The following GABRA5 variants were observed in gnomAD, a reference collection of about 807,000 sequenced individuals.
GABRA5 encodes gamma-aminobutyric acid receptor subunit alpha-5.
A neutral mutation model predicts 47.3 loss-of-function variants in GABRA5; 18 were observed. The observed-to-expected ratio is 0.38, with a 90% CI of 0.26 to 0.56. The LOEUF (loss-of-function observed/expected upper bound fraction) is 0.56. GABRA5 is among the 20% of genes least tolerant of loss of function. The probability of loss-of-function intolerance (pLI) is 0.71; values close to 1 mark genes in which losing one functional copy is unlikely to be tolerated. For synonymous variants in GABRA5, 237 were observed against 229.3 expected (o/e 1.03, Z -0.30); for missense variants, 365 against 599.3 (o/e 0.61, Z 4.08).
intron 6 of GABRA5, among the ~76,000 whole-genome samples, chr15:26,897,742 A>T (rs1314309358): frequency 6.6e-6 from 1 of 152,178 alleles, no homozygotes; most frequent in East Asian, 1.9e-4. Flanking sequence ...TCCCTGTTAC[A>T]TGTCAATTCC....
At chr15:26,944,591 T>A (rs1313362882) in intron 10 of GABRA5, among the ~76,000 whole-genome samples, 1 of 152,094 alleles carries the variant, frequency 6.6e-6, no homozygotes, top group Non-Finnish European at 1.5e-5. Flanking sequence ...TGATAGGGAC[T>A]CGGGGGCTGG....
At chr15:26,893,220 GAGCGTA>G (rs1249466774) in intron 6 of GABRA5, among the ~76,000 whole-genome samples, 1 of 147,990 alleles carries the variant, frequency 6.8e-6, no homozygotes, top group Non-Finnish European at 1.5e-5. Flanking sequence ...TGTATGGTGT[GAGCGTA>G]TGGTGTGTGG....
At chr15:26,893,411 G>GT in intron 6 of GABRA5, among the ~76,000 whole-genome samples, 1 of 69,310 alleles carries the variant, frequency 1.4e-5, no homozygotes, top group Non-Finnish European at 3.0e-5. Context: ...TGTGTTGTGT[G>GT]TGTTGTGTGT....
In GABRA5 at chr15:26,867,489, T is replaced by G. The variant is rs998447905; in HGVS notation, c.-140+378T>G. ...TCCGCACCCTTCTCCTCGGGGCGCC[T>G]GAGCGGCAGGCTGCGTGGCCGGGGA... On this transcript the variant is annotated intron_variant, in intron 1 of 10. Coordinates refer to ENST00000335625, the MANE Select transcript of GABRA5 (RefSeq NM_000810.4). The surrounding 1 kb of genome is among the most constrained non-coding windows in gnomAD (Gnocchi z 5.9). 5 of 152,032 alleles carry G rather than the reference T, an allele frequency of 3.3e-5. No individual in the cohort carries two copies. The highest frequency in any genetic ancestry group is 7.3e-5 in the African/African-American group (3 of 41,282). The allele number at this position is 152,032 out of a possible 1,614,324, so 9.4% of individuals were successfully genotyped here. A position where few individuals can be genotyped will look rare whatever the true frequency, so the allele number is the denominator to read the frequency against.
At chr15:26,946,065 G>A (rs1256112854) in intron 10 of GABRA5, among the ~76,000 whole-genome samples, 1 of 152,172 alleles carries the variant, frequency 6.6e-6, no homozygotes, top group Middle Eastern at 3.2e-3. Flanking sequence ...CTCCCGCACG[G>A]TTTCCCCAGG....
rs141112237 is a variant in GABRA5 at position 26,885,443 on chromosome 15, G to A, written c.497+1886G>A. Among the ~76,000 whole-genome samples the A allele has an allele frequency of 3.0e-3, 464 of 152,328 alleles. 1 individual carries two copies. Among genetic ancestry groups the A allele is most frequent in the Non-Finnish European group, 5.1e-3 (346 of 68,034 alleles). On this transcript the variant is annotated intron_variant, in intron 6 of 10. Transcript: ENST00000335625. ...TGCTGGCAGGTGGAAATGAGCAAAG[G>A]TGGCTTCTCTCACATTTGTTACCTT...
At chr15:26,912,135 G>T (rs1893611253) in intron 6 of GABRA5, among the ~76,000 whole-genome samples, 1 of 152,196 alleles carries the variant, frequency 6.6e-6, no homozygotes, top group South Asian at 2.1e-4. Flanking sequence ...CGCAAAGCAT[G>T]CCTCTCCTGA....
intron 3 of GABRA5, among the ~76,000 whole-genome samples, chr15:26,872,719 T>A (rs8025736): frequency 0.71 from 108,722 of 152,084 alleles, 39,461 homozygotes; most frequent in African/African-American, 0.85. Context: ...GAACTGGCAG[T>A]GGGTGAGGAG....
At chr15:26,870,969 G>A (rs117118768) in intron 3 of GABRA5, among the ~76,000 whole-genome samples, 39,796 of 152,056 alleles carry the variant, frequency 0.26, 5,363 homozygotes, top group Non-Finnish European at 0.3. Flanking sequence ...AGCGGGGGGC[G>A]GATCGCCTGA....
Position 26,876,510 on chromosome 15 carries a change from A to G in GABRA5, c.87-4336A>G, listed in dbSNP as rs188788264. Among the ~76,000 whole-genome samples the G allele has an allele frequency of 6.6e-5, 10 of 152,280 alleles. No individual in the cohort carries two copies. In the East Asian group the frequency reaches 1.4e-3, roughly 21 times the overall value. ...AGGCCCAGTGGAAAGGATTGTAGGA[A>G]TGTTGCCCACAGGTCAACTAAGCTG... On this transcript the variant is annotated intron_variant, in intron 3 of 10. Coordinates refer to ENST00000335625, the MANE Select transcript of GABRA5 (RefSeq NM_000810.4).
At position 26,867,143 on chromosome 15, in the gene GABRA5, T is replaced by A. The variant is rs1892332617; in HGVS notation, c.-140+32T>A. The A allele has an allele frequency of 1.3e-5, 2 of 149,622 alleles. No individual in the cohort carries two copies. The highest frequency in any genetic ancestry group is 4.9e-5 in the African/African-American group (2 of 40,948). The allele number at this position is 149,622 out of a possible 1,614,324, so 9.3% of individuals were successfully genotyped here. Reference sequence around the variant, plus strand: ...GCGGGCGCGAGTGCGCCGGGGGCGCTGGGGGGCTCTGCGGCGGGCGGCGCG... The same window carrying A: ...GCGGGCGCGAGTGCGCCGGGGGCGCAGGGGGGCTCTGCGGCGGGCGGCGCG... On this transcript the variant is annotated intron_variant, in intron 1 of 10. Transcript: ENST00000335625. The surrounding 1 kb of genome is among the most constrained non-coding windows in gnomAD (Gnocchi z 5.9).
At position 26,948,203 on chromosome 15, in the gene GABRA5, GGTGATA is replaced by G; in HGVS notation, c.1360_1365del (p.Val454_Ile455del). 6.2e-7 allele frequency: 1 copy of G among 1,612,746 alleles called. No individual in the cohort carries two copies. The highest frequency in any genetic ancestry group is 8.5e-7 in the Non-Finnish European group (1 of 1,179,622). Reference sequence around the variant, plus strand: ...GGGCAACGTATTTGAATAGGGAGCCGGTGATAAAAGGAGCCGCCTCTCCAAAATAAC... The same window carrying G: ...GGGCAACGTATTTGAATAGGGAGCCGAAAGGAGCCGCCTCTCCAAAATAAC... On this transcript the variant is annotated inframe_deletion, in exon 11 of 11. Transcript: ENST00000335625.
At chr15:26,935,072 C>A (rs145355606) in intron 7 of GABRA5, among the ~76,000 whole-genome samples, 256 of 152,246 alleles carry the variant, frequency 1.7e-3, no homozygotes, top group Non-Finnish European at 3.0e-3. Flanking sequence ...GATTGAACGC[C>A]ACACTGCTGA....
intron 6 of GABRA5, 73 bp from the exon 7 acceptor site, chr15:26,914,730 G>T: frequency 8.7e-7 from 1 of 1,154,222 alleles, no homozygotes; most frequent in East Asian, 2.4e-5. Flanking sequence ...ATGGCTTTCT[G>T]GGACACGATG....
chr15:26,916,228 A>G (rs1401336133), intron 7 of GABRA5, among the ~76,000 whole-genome samples: 2 of 152,184 alleles, frequency 1.3e-5, no homozygotes, highest in Admixed American at 1.3e-4. Flanking sequence ...GTTTAAAAAT[A>G]TTCCTGAAAT....
chr15:26,903,795 A>G (rs1277232409), intron 6 of GABRA5, among the ~76,000 whole-genome samples: 1 of 151,328 alleles, frequency 6.6e-6, no homozygotes, highest in Non-Finnish European at 1.5e-5. Context: ...TCGCTTTTTA[A>G]CAGGATGTTT....
At chr15:26,872,947 A>G (rs918518846) in intron 3 of GABRA5, among the ~76,000 whole-genome samples, 45 of 152,180 alleles carry the variant, frequency 3.0e-4, no homozygotes, top group African/African-American at 1.1e-3. Context: ...TCTCTTGATC[A>G]TATTCTAAAT....
At chr15:26,871,173 G>A (rs533057580) in intron 3 of GABRA5, among the ~76,000 whole-genome samples, 21 of 152,174 alleles carry the variant, frequency 1.4e-4, no homozygotes, top group Admixed American at 2.0e-4. Context: ...CAGCTTGGGC[G>A]ACAGAGCAAG....
chr15:26,913,153 A>T (rs1361140678), intron 6 of GABRA5, among the ~76,000 whole-genome samples: 1 of 150,380 alleles, frequency 6.6e-6, no homozygotes, highest in African/African-American at 2.5e-5. Flanking sequence ...ACTGCACTCC[A>T]GCCTGGGCAA....
Sources: allele counts gnomAD v4.1 joint callset (sites outside exome capture counted in the v4.1 genomes callset), GRCh38; gene constraint gnomAD v4.1.1; non-coding constraint Gnocchi (gnomAD v3.1); transcripts MANE v1.5; gene names NCBI Gene and HGNC (gene_info 2026-07-23, HGNC 2026-07-21).